The following POFUT3 variants were observed in gnomAD, a reference collection of about 807,000 sequenced individuals.
POFUT3 encodes the protein GDP-fucose protein O-fucosyltransferase 3.
chr8:33,336,251 T>A, the POFUT3 span, among the ~76,000 whole-genome samples: 2 of 152,172 alleles, frequency 1.3e-5, no homozygotes, highest in Non-Finnish European at 2.9e-5. Context: ...CATGACTGGC[T>A]TCAAGCTACG....
chr8:33,338,869 G>T, the POFUT3 span: 1 of 152,104 alleles, frequency 6.6e-6, no homozygotes, highest in South Asian at 2.1e-4. Flanking sequence ...TCTTATTCTT[G>T]CTTCAACAAC....
chr8:33,436,510 T>A, the POFUT3 span: 1 of 1,204,334 alleles, frequency 8.3e-7, no homozygotes, highest in African/African-American at 1.5e-5. Flanking sequence ...CACACTGATG[T>A]TTACCCCATA....
At chr8:33,440,168 G>A in the POFUT3 span, among the ~76,000 whole-genome samples, 9 of 152,204 alleles carry the variant, frequency 5.9e-5, no homozygotes, top group Admixed American at 2.6e-4. Flanking sequence ...TTCAAAACCA[G>A]CCTGGGTAAC....
chr8:33,461,241 G>T, the POFUT3 span: 1 of 826,068 alleles, frequency 1.2e-6, no homozygotes, highest in Non-Finnish European at 1.8e-6. Context: ...GAGGAAGGAA[G>T]GAACCAACCC....
the POFUT3 span, chr8:33,372,807 G>A: frequency 1.2e-6 from 2 of 1,612,082 alleles, no homozygotes; most frequent in Non-Finnish European, 1.7e-6. Context: ...GGTAAGCCCT[G>A]CAGGAAGAGA....
chr8:33,383,045 T>C, the POFUT3 span, among the ~76,000 whole-genome samples: 2 of 152,044 alleles, frequency 1.3e-5, no homozygotes, highest in Admixed American at 1.3e-4. Flanking sequence ...GGCCCATGGA[T>C]CAATTTTCTC....
the POFUT3 span, among the ~76,000 whole-genome samples, chr8:33,349,018 A>C: frequency 6.6e-6 from 1 of 152,280 alleles, no homozygotes; most frequent in Admixed American, 6.5e-5. Flanking sequence ...TATGAACTTC[A>C]TCTGAGCTGA....
At chr8:33,435,518 C>CT in the POFUT3 span, among the ~76,000 whole-genome samples, 3 of 145,270 alleles carry the variant, frequency 2.1e-5, no homozygotes, top group Admixed American at 2.1e-4. Flanking sequence ...GCCCAGGCAA[C>CT]TTTTTTTTCT....
At chr8:33,379,111 C>T in the POFUT3 span, among the ~76,000 whole-genome samples, 1 of 151,944 alleles carries the variant, frequency 6.6e-6, no homozygotes, top group Admixed American at 6.6e-5. Context: ...CCTGCTTTGT[C>T]GTGGTAAGAT....
At chr8:33,319,803 G>A in the POFUT3 span, among the ~76,000 whole-genome samples, 2 of 131,224 alleles carry the variant, frequency 1.5e-5, no homozygotes, top group Non-Finnish European at 3.1e-5. Context: ...TGTACCTGAT[G>A]CTGACACTGG....
the POFUT3 span, among the ~76,000 whole-genome samples, chr8:33,375,633 C>T: frequency 6.6e-6 from 1 of 152,090 alleles, no homozygotes; most frequent in East Asian, 1.9e-4. Context: ...TGATAGTGTA[C>T]TACATGGTTT....
the POFUT3 span, among the ~76,000 whole-genome samples, chr8:33,405,478 T>C: frequency 6.6e-6 from 1 of 151,416 alleles, no homozygotes; most frequent in Admixed American, 6.6e-5. Flanking sequence ...TGGCATTCAG[T>C]TATTCTTTAC....
At chr8:33,313,278 A>G in the POFUT3 span, among the ~76,000 whole-genome samples, 2 of 152,186 alleles carry the variant, frequency 1.3e-5, no homozygotes, top group Non-Finnish European at 2.9e-5. Context: ...AACTACAAAC[A>G]GTACTTGCTT....
the POFUT3 span, among the ~76,000 whole-genome samples, chr8:33,316,179 T>C: frequency 5.3e-5 from 8 of 152,090 alleles, no homozygotes; most frequent in Non-Finnish European, 8.8e-5. Context: ...TCTGTATGAG[T>C]AGGTAACCCT....
the POFUT3 span, among the ~76,000 whole-genome samples, chr8:33,455,201 T>C: frequency 6.6e-6 from 1 of 152,104 alleles, no homozygotes; most frequent in Non-Finnish European, 1.5e-5. Context: ...AGACCATGAG[T>C]ACTGGGCTTC....
At chr8:33,388,522 A>G in the POFUT3 span, among the ~76,000 whole-genome samples, 1 of 151,730 alleles carries the variant, frequency 6.6e-6, no homozygotes, top group African/African-American at 2.4e-5. Context: ...TTTTTAGTAG[A>G]GATGGGGTTT....
chr8:33,363,872 A>G, the POFUT3 span, among the ~76,000 whole-genome samples: 8 of 152,336 alleles, frequency 5.3e-5, no homozygotes, highest in African/African-American at 1.9e-4. Flanking sequence ...TCCTTCTGAA[A>G]CTATTCCAAT....
the POFUT3 span, among the ~76,000 whole-genome samples, chr8:33,334,806 C>T: frequency 6.6e-6 from 1 of 152,174 alleles, no homozygotes; most frequent in African/African-American, 2.4e-5. Flanking sequence ...CAGAAAGTGA[C>T]TTTAGGAGGT....
the POFUT3 span, among the ~76,000 whole-genome samples, chr8:33,469,748 TAAAC>T: frequency 4.0e-5 from 6 of 150,950 alleles, no homozygotes; most frequent in African/African-American, 9.7e-5. Context: ...GAGAGCCAGA[TAAAC>T]AGACAGACTG....
Sources: gnomAD v4.1 joint callset for allele counts (sites outside exome capture counted in the v4.1 genomes callset) on GRCh38, gnomAD v4.1.1 for gene constraint, MANE v1.5 for transcripts, NCBI Gene and HGNC (gene_info 2026-07-23, HGNC 2026-07-21) for gene names.